The following PRSS57 variants were observed in gnomAD, a reference collection of about 807,000 sequenced individuals.
The protein encoded by PRSS57 is neutrophil serine protease 4.
PRSS57 carries 19 observed loss-of-function variants against 20.6 expected under a neutral mutation model. The observed-to-expected ratio is 0.92, with a 90% confidence interval of 0.64 to 1.35. The LOEUF (loss-of-function observed/expected upper bound fraction) is 1.35. PRSS57 is among the 40% of genes most tolerant of loss of function. PRSS57 has a pLI of 0.00. For synonymous variants in PRSS57, 203 were observed against 176.6 expected (o/e 1.15, Z -1.19); for missense variants, 440 against 403.7 (o/e 1.09, Z -0.77).
chr19:692,430 T>TTTTC lies in PRSS57; in HGVS notation c.234-429_234-428insGAAA, dbSNP rs1402754118. 3.4e-5 allele frequency among the ~76,000 whole-genome samples: 5 copies of TTTTC among 147,610 alleles called. 1 individual carries two copies. Among genetic ancestry groups the TTTTC allele is most frequent in the Non-Finnish European group, 6.0e-5 (4 of 66,510 alleles). ...CTTAATATTCTTTTCCTTTTTTCTT[T>TTTTC]TTTTTTTTTTTTGAGACAGAGTCTC... is the stretch of plus-strand genomic sequence containing the variant. On this transcript the variant is annotated intron_variant, in intron 2 of 4. Coordinates refer to ENST00000329267, the MANE Select transcript of PRSS57 (RefSeq NM_001308209.2).
In PRSS57 at chr19:687,062, C is replaced by A. The variant is rs376121318; in HGVS notation, c.505G>T (p.Glu169Ter). 51 of 1,613,946 alleles carry A rather than the reference C, an allele frequency of 3.2e-5. No homozygotes were observed. The highest frequency in any genetic ancestry group is 4.3e-5 in the Non-Finnish European group (51 of 1,180,034). The stretch of plus-strand genomic sequence containing the variant: ...GCCTCCATCAGTCCAGGCGGCAGCT[C>A]CTCAAAGTCAGACACGAAGCCCCAG... ...AGWGFVSDFE[E>*]LPPGLMEAKV... is the part of the protein sequence containing the mutation. The change falls in exon 4 of 5, where the codon GAG (glutamate) becomes TAG (stop). Residue 169 changes from glutamate to a stop codon, truncating the protein, a stop_gained. Transcript: ENST00000329267. LOFTEE classifies it high-confidence loss of function.
intron 1 of PRSS57, 68 bp downstream of exon 1, chr19:695,284 T>C: frequency 1.3e-6 from 1 of 745,008 alleles, no homozygotes; most frequent in Admixed American, 4.3e-5. Flanking sequence ...GGACTGGGGG[T>C]TCCCGGGTGT....
chr19:693,906 A>AT (rs1380901283), intron 2 of PRSS57, among the ~76,000 whole-genome samples: 2 of 151,948 alleles, frequency 1.3e-5, no homozygotes, highest in East Asian at 1.9e-4. Context: ...CATCCGGCTA[A>AT]TTTTTTTGTA....
intron 3 of PRSS57, 77 bp from the exon 4 acceptor site, chr19:687,265 C>T (rs2031508664): frequency 1.4e-6 from 2 of 1,414,714 alleles, no homozygotes; most frequent in East Asian, 5.1e-5. Flanking sequence ...CCATGGGACC[C>T]CTGGTCCTGC....
chr19:689,204 A>G (rs12986116), intron 3 of PRSS57, among the ~76,000 whole-genome samples: 2,349 of 72,540 alleles, frequency 0.032, 25 homozygotes, highest in African/African-American at 0.058. Flanking sequence ...GGTGGTCCAC[A>G]GGTTAGCAGG....
intron 3 of PRSS57, among the ~76,000 whole-genome samples, 193 bp from the exon 4 acceptor site, chr19:687,381 A>G (rs2031512622): frequency 6.6e-6 from 1 of 152,290 alleles, no homozygotes; most frequent in East Asian, 1.9e-4. Flanking sequence ...GGTCACCGTC[A>G]GCTGCCCAAA....
intron 3 of PRSS57, chr19:691,263 T>C (rs61667457): frequency 0.022 from 3,404 of 153,470 alleles, 148 homozygotes; most frequent in African/African-American, 0.078. Context: ...CCCAACACTT[T>C]GGGAGGCTGA....
At chr19:694,235 C>G (rs540086109) in intron 2 of PRSS57, among the ~76,000 whole-genome samples, 58 of 152,106 alleles carry the variant, frequency 3.8e-4, no homozygotes, top group African/African-American at 1.4e-3. Flanking sequence ...CCCACCCACC[C>G]TGGCCCCAAT....
intron 2 of PRSS57, among the ~76,000 whole-genome samples, chr19:693,713 C>T (rs1410719043): frequency 6.6e-6 from 1 of 151,822 alleles, no homozygotes; most frequent in African/African-American, 2.4e-5. Context: ...GGGATACGTA[C>T]AGCCACTTGC....
intron 3 of PRSS57, among the ~76,000 whole-genome samples, chr19:689,803 C>G (rs150763126): frequency 4.3e-4 from 65 of 152,246 alleles, no homozygotes; most frequent in African/African-American, 1.5e-3. Context: ...CCCGTGATCC[C>G]GACACTTTGG....
rs369798615 is a variant in PRSS57, at chr19:691,974, C to A, written c.262G>T (p.Gly88Cys). ...RDLRTGLVVL[G>C]AHVLSTAEPT... The stretch of plus-strand genomic sequence containing the variant: ...TCCGCAGTACTCAGGACGTGGGCGC[C>A]CAGCACCACCAGGCCAGTGCGGAGG... The change falls in exon 3 of 5, where the codon GGC (glycine) becomes TGC (cysteine). Residue 88 changes from glycine (G) to cysteine (C), a missense_variant. Physicochemically the swap from Gly to Cys is radical, Grantham distance 159. Transcript: ENST00000329267. 5.1e-5 allele frequency: 68 copies of A among 1,326,392 alleles called. No homozygotes were observed. The highest frequency in any genetic ancestry group is 6.4e-5 in the Non-Finnish European group (66 of 1,029,058). The allele number at this position is 1,326,392 out of a possible 1,614,324, so 82.2% of individuals were successfully genotyped here.
At chr19:688,296 G>T in intron 3 of PRSS57, among the ~76,000 whole-genome samples, 1 of 151,828 alleles carries the variant, frequency 6.6e-6, no homozygotes, top group East Asian at 1.9e-4. Flanking sequence ...TTTCACAGAT[G>T]AGAAAAATTC....
At chr19:690,015 T>C (rs963940658) in intron 3 of PRSS57, among the ~76,000 whole-genome samples, 5 of 150,812 alleles carry the variant, frequency 3.3e-5, no homozygotes, top group Non-Finnish European at 7.4e-5. Flanking sequence ...ACTGTGCCAC[T>C]TTACTCCAGC....
Position 694,801 on chromosome 19 carries a change from C to G in PRSS57, c.233+13G>C. The G allele has an allele frequency of 5.0e-6, 8 of 1,602,040 alleles. No individual in the cohort carries two copies. Among genetic ancestry groups the G allele is most frequent in the Non-Finnish European group, 6.8e-6 (8 of 1,175,110 alleles). On this transcript the variant is annotated intron_variant, in intron 2 of 4. Coordinates refer to ENST00000329267, the MANE Select transcript of PRSS57 (RefSeq NM_001308209.2). The stretch of plus-strand genomic sequence containing the variant: ...CGGTGTCCAGAAAGAAGGGGCCCGA[C>G]AGGTGAGCTCACCTGTGGCTGAAGC...
At chr19:692,435 T>TTTTTC (rs2031675425) in intron 2 of PRSS57, among the ~76,000 whole-genome samples, 3 of 150,122 alleles carry the variant, frequency 2.0e-5, no homozygotes, top group Non-Finnish European at 4.4e-5. Context: ...TTCTTTTTTT[T>TTTTTC]TTTTTTTGAG....
chr19:690,750 C>T, intron 3 of PRSS57: 1 of 363,338 alleles, frequency 2.8e-6, no homozygotes, highest in Non-Finnish European at 5.3e-6. Flanking sequence ...AAGGAGGTAG[C>T]CACTGCCATC....
intron 3 of PRSS57, among the ~76,000 whole-genome samples, chr19:687,547 C>T (rs905943467): frequency 1.6e-4 from 24 of 152,050 alleles, no homozygotes; most frequent in African/African-American, 5.6e-4. Context: ...GCTGGGATTA[C>T]AGGCGTGCAC....
chr19:688,765 ATTT>A (rs71717541), intron 3 of PRSS57, among the ~76,000 whole-genome samples: 6,662 of 151,862 alleles, frequency 0.044, 194 homozygotes, highest in African/African-American at 0.079. Context: ...GGCTCAGCTA[ATTT>A]TTTTATTTTT....
At chr19:687,254 T>C in intron 3 of PRSS57, 66 bp from the exon 4 acceptor site, 1 of 1,430,640 alleles carries the variant, frequency 7.0e-7, no homozygotes, top group Non-Finnish European at 9.2e-7. Context: ...CCTCAGTTTA[T>C]CCATGGGACC....
Sources: gnomAD v4.1 joint callset for allele counts (sites outside exome capture counted in the v4.1 genomes callset) on GRCh38, gnomAD v4.1.1 for gene constraint, MANE v1.5 for transcripts, NCBI Gene and HGNC (gene_info 2026-07-23, HGNC 2026-07-21) for gene names.